Variants in TAFA4 observed in about 807,000 individuals in gnomAD.
TAFA4 encodes the protein TAFA chemokine like family member 4.
Under a neutral mutation model 21.1 loss-of-function variants are expected in TAFA4, and 20 were observed. The ratio of observed to expected loss-of-function variants is 0.95; its 90% confidence interval spans 0.67 to 1.38. The LOEUF (loss-of-function observed/expected upper bound fraction) is 1.38, where lower values mean the gene tolerates loss of function less well. TAFA4 is among the 40% of genes most tolerant of loss of function. TAFA4 has a pLI of 0.00. For synonymous variants in TAFA4, 71 were observed against 67.4 expected, an observed-to-expected ratio of 1.05 and a Z score of -0.26; for missense variants, 211 against 180.9, an observed-to-expected ratio of 1.17 and a Z score of -0.95.
At chr3:68,874,290 T>C (rs2089521430) in intron 3 of TAFA4, among the ~76,000 whole-genome samples, 1 of 152,176 alleles carries the variant, frequency 6.6e-6, no homozygotes, top group South Asian at 2.1e-4. Context: ...GGTTTTTAAA[T>C]GTCCCTTCAA....
chr3:68,837,129 G>C (rs1171411731), intron 3 of TAFA4, among the ~76,000 whole-genome samples: 1 of 152,188 alleles, frequency 6.6e-6, no homozygotes, highest in Non-Finnish European at 1.5e-5. Context: ...TTGCAACAGA[G>C]GCTGTATGGC....
chr3:68,847,548 G>A (rs1399324041), intron 3 of TAFA4, among the ~76,000 whole-genome samples: 3 of 152,134 alleles, frequency 2.0e-5, no homozygotes, highest in South Asian at 4.1e-4. Context: ...TGCCACTGGA[G>A]TATGGAAAAA....
At chr3:68,858,212 G>T (rs1259332617) in intron 3 of TAFA4, among the ~76,000 whole-genome samples, 1 of 152,068 alleles carries the variant, frequency 6.6e-6, no homozygotes, top group Non-Finnish European at 1.5e-5. Context: ...AAGAAAGAAG[G>T]CTCACTCATG....
At chr3:68,926,728 C>T (rs1194489346) in intron 1 of TAFA4, among the ~76,000 whole-genome samples, 2 of 151,918 alleles carry the variant, frequency 1.3e-5, no homozygotes, top group East Asian at 3.9e-4. Context: ...GCCTGGCCAA[C>T]GTGGTGAAAC....
intron 3 of TAFA4, among the ~76,000 whole-genome samples, chr3:68,783,920 C>A (rs113881774): frequency 0.027 from 4,107 of 151,852 alleles, 196 homozygotes; most frequent in African/African-American, 0.095. Context: ...TTTACTCTTG[C>A]AATAAACATT....
chr3:68,836,939 G>C (rs1046740535), intron 3 of TAFA4, among the ~76,000 whole-genome samples: 2 of 152,192 alleles, frequency 1.3e-5, no homozygotes, highest in Admixed American at 6.5e-5. Context: ...TGATAACTCT[G>C]AGAACAGTGA....
chr3:68,768,523 G>A (rs1348300583), intron 3 of TAFA4, among the ~76,000 whole-genome samples: 1 of 152,114 alleles, frequency 6.6e-6, no homozygotes, highest in Non-Finnish European at 1.5e-5. Flanking sequence ...CAGCCATTAT[G>A]GAAACCAGTA....
intron 3 of TAFA4, among the ~76,000 whole-genome samples, chr3:68,822,147 T>TA (rs139334966): frequency 0.015 from 2,227 of 152,194 alleles, 49 homozygotes; most frequent in African/African-American, 0.05. Context: ...TTGACTTTTT[T>TA]AAAAAAAATG....
chr3:68,736,580 T>C (rs371715108), intron 5 of TAFA4, among the ~76,000 whole-genome samples: 4 of 152,186 alleles, frequency 2.6e-5, no homozygotes, highest in Non-Finnish European at 4.4e-5. Context: ...GTGCATGAAC[T>C]ATTTAAAGAA....
chr3:68,871,417 C>A (rs2089481827), intron 3 of TAFA4, among the ~76,000 whole-genome samples: 1 of 151,948 alleles, frequency 6.6e-6, no homozygotes, highest in African/African-American at 2.4e-5. Context: ...TCACTATATA[C>A]AAAAATCAAA....
chr3:68,826,212 C>T (rs1320658776), intron 3 of TAFA4, among the ~76,000 whole-genome samples: 1 of 152,206 alleles, frequency 6.6e-6, no homozygotes, highest in African/African-American at 2.4e-5. Flanking sequence ...CCACCTCTGC[C>T]ACTACCTATG....
Position 68,804,150 on chromosome 3 carries a change from G to A in TAFA4, c.131-51132C>T, listed in dbSNP as rs146834720. Among the ~76,000 whole-genome samples the A allele has an allele frequency of 5.7e-3, 867 of 152,076 alleles. 7 individuals are homozygous for A. The highest frequency in any genetic ancestry group is 0.02 in the African/African-American group (832 of 41,476). On this transcript the variant is annotated intron_variant, in intron 3 of 5. Coordinates refer to ENST00000295569, the MANE Select transcript of TAFA4 (RefSeq NM_182522.5). ...AACAAGGTGTAACCCACTGCTCCAC[G>A]AAACATCATGAATTCAATTCAACCC...
At chr3:68,910,485 A>G (rs1043584834) in intron 1 of TAFA4, among the ~76,000 whole-genome samples, 1 of 152,230 alleles carries the variant, frequency 6.6e-6, no homozygotes, top group Non-Finnish European at 1.5e-5. Flanking sequence ...CAAATATAGT[A>G]AGATAGATTT....
chr3:68,928,659 A>G (rs916191839), intron 1 of TAFA4, among the ~76,000 whole-genome samples: 2 of 152,188 alleles, frequency 1.3e-5, no homozygotes, highest in African/African-American at 4.8e-5. Context: ...CAGCTGTCCA[A>G]TCCTTGAGGT....
chr3:68,775,895 T>C (rs534914946), intron 3 of TAFA4, among the ~76,000 whole-genome samples: 2 of 151,774 alleles, frequency 1.3e-5, no homozygotes, highest in East Asian at 3.9e-4. Context: ...CAGCATTCAA[T>C]AAAAAATGAT....
intron 3 of TAFA4, among the ~76,000 whole-genome samples, chr3:68,863,850 T>C (rs1012105947): frequency 6.6e-6 from 1 of 152,166 alleles, no homozygotes; most frequent in Non-Finnish European, 1.5e-5. Context: ...TCTATTACTT[T>C]CAAGTATTCT....
chr3:68,873,810 A>G (rs1207116968), intron 3 of TAFA4, among the ~76,000 whole-genome samples: 1 of 152,134 alleles, frequency 6.6e-6, no homozygotes, highest in East Asian at 1.9e-4. Context: ...TAACTGTTTG[A>G]CTTTGGGGAA....
intron 3 of TAFA4, among the ~76,000 whole-genome samples, chr3:68,872,505 A>G (rs1338428034): frequency 6.6e-6 from 1 of 152,096 alleles, no homozygotes; most frequent in African/African-American, 2.4e-5. Flanking sequence ...CGGTAACTAT[A>G]GTTAACAATA....
In TAFA4 at chr3:68,739,155, A is replaced by C. The variant is rs764593424; in HGVS notation, c.331T>G (p.Leu111Val). 6.2e-7 allele frequency: 1 copy of C among 1,613,982 alleles called. No individual in the cohort carries two copies. The highest frequency in any genetic ancestry group is 1.3e-5 in the African/African-American group (1 of 75,020). ...QKWWCHMNPC[L>V]EGEDCKVLPD... ...AGCACTTTACAATCCTCTCCTTCCA[A>C]ACACGGATTCATGTGACACCACCAT... is the stretch of plus-strand genomic sequence containing the variant. The change falls in exon 5 of 6, where the codon TTG (leucine) becomes GTG (valine). Residue 111 changes from leucine (L) to valine (V), a missense_variant. Leu to Val is a conservative substitution (Grantham distance 32, BLOSUM62 1). Transcript: ENST00000295569.
Sources: allele counts gnomAD v4.1 joint callset (sites outside exome capture counted in the v4.1 genomes callset), GRCh38; gene constraint gnomAD v4.1.1; transcripts MANE v1.5; gene names NCBI Gene and HGNC (gene_info 2026-07-23, HGNC 2026-07-21).